Variants in MCUB observed in about 807,000 individuals in gnomAD.
MCUB encodes mitochondrial calcium uniporter dominant negative subunit beta, also known as calcium uniporter regulatory subunit MCUb, mitochondrial.
A neutral mutation model predicts 41.4 loss-of-function variants in MCUB; 46 were observed. That is an observed-to-expected ratio of 1.11 (90% confidence interval 0.88 to 1.42). The LOEUF (loss-of-function observed/expected upper bound fraction) is 1.42, where lower values mean the gene tolerates loss of function less well. MCUB is among the 40% of genes most tolerant of loss of function. MCUB has a pLI of 0.00. For synonymous variants in MCUB, 148 were observed against 148.2 expected (o/e 1.00, Z 0.01); for missense variants, 403 against 404.9 (o/e 1.00, Z 0.04).
At chr4:109,655,904 G>A (rs1729085002) in intron 1 of MCUB, among the ~76,000 whole-genome samples, 1 of 152,104 alleles carries the variant, frequency 6.6e-6, no homozygotes, top group African/African-American at 2.4e-5. Context: ...AAATCTCTGT[G>A]TATGGGGTCT....
rs529093261 is a variant in MCUB, at chr4:109,633,187, A to G, written c.100-25824A>G. Among the ~76,000 whole-genome samples the G allele has an allele frequency of 2.6e-5, 4 of 152,378 alleles. No individual in the cohort carries two copies. The East Asian group carries it at 7.7e-4, about 29-fold the overall frequency. On this transcript the variant is annotated intron_variant, in intron 1 of 7. Coordinates refer to ENST00000394650, the MANE Select transcript of MCUB (RefSeq NM_017918.5). The stretch of plus-strand genomic sequence containing the variant: ...GTGAAGAAATACCTACTGAAAAAAT[A>G]AAATTTAAACCATTCCAGTTTTCAG...
At chr4:109,562,629 C>T (rs765870492) in intron 1 of MCUB, among the ~76,000 whole-genome samples, 4 of 152,244 alleles carry the variant, frequency 2.6e-5, no homozygotes, top group Non-Finnish European at 5.9e-5. Flanking sequence ...AACATTCAGA[C>T]CCCTAGAGCC....
intron 1 of MCUB, among the ~76,000 whole-genome samples, chr4:109,628,542 G>T (rs1346181825): frequency 6.6e-6 from 1 of 152,198 alleles, no homozygotes; most frequent in Non-Finnish European, 1.5e-5. Context: ...GCTTGGATAA[G>T]GGTGGAGACA....
chr4:109,643,246 C>T (rs906312676), intron 1 of MCUB, among the ~76,000 whole-genome samples: 6 of 149,656 alleles, frequency 4.0e-5, no homozygotes, highest in South Asian at 2.1e-4. Context: ...AGTACAATGG[C>T]GCAATCTTGG....
At chr4:109,605,477 T>A (rs975300102) in intron 1 of MCUB, among the ~76,000 whole-genome samples, 8 of 152,262 alleles carry the variant, frequency 5.3e-5, no homozygotes, top group African/African-American at 1.9e-4. Flanking sequence ...ATGATCCATG[T>A]GCTGAAGAGA....
chr4:109,610,563 T>G (rs1475278335), intron 1 of MCUB, among the ~76,000 whole-genome samples: 1 of 152,240 alleles, frequency 6.6e-6, no homozygotes, highest in Non-Finnish European at 1.5e-5. Flanking sequence ...TGCTGTTCCC[T>G]ACTGTTTTGT....
chr4:109,677,209 C>G (rs1269964812), intron 4 of MCUB, among the ~76,000 whole-genome samples: 1 of 152,170 alleles, frequency 6.6e-6, no homozygotes, highest in Non-Finnish European at 1.5e-5. Flanking sequence ...CTCTTTTTTC[C>G]TATTTCTCCC....
At chr4:109,653,857 G>A (rs1729018257) in intron 1 of MCUB, among the ~76,000 whole-genome samples, 1 of 152,234 alleles carries the variant, frequency 6.6e-6, no homozygotes, top group Admixed American at 6.5e-5. Context: ...TTACAGGCAT[G>A]AGCCATTGCG....
intron 1 of MCUB, among the ~76,000 whole-genome samples, chr4:109,624,437 C>T (rs1728319926): frequency 6.6e-6 from 1 of 152,188 alleles, no homozygotes; most frequent in Non-Finnish European, 1.5e-5. Flanking sequence ...CACAGCAATG[C>T]ATGAATGGCA....
chr4:109,661,089 T>C (rs1225766284), intron 3 of MCUB, among the ~76,000 whole-genome samples: 1 of 152,208 alleles, frequency 6.6e-6, no homozygotes, highest in Admixed American at 6.5e-5. Flanking sequence ...AATTACAGTC[T>C]AGTATGTTTT....
intron 1 of MCUB, among the ~76,000 whole-genome samples, chr4:109,584,554 A>G (rs956332317): frequency 2.6e-5 from 4 of 152,050 alleles, no homozygotes; most frequent in Non-Finnish European, 5.9e-5. Flanking sequence ...TAGGGTGTCA[A>G]TTTTAGATCT....
chr4:109,583,674 A>G lies in MCUB; in HGVS notation c.99+23238A>G, dbSNP rs575538099. ...AAGGGAATGCTTCCAATTTTTGCCC[A>G]TTCAGTATGATATTGACTATGGGTT... is the stretch of plus-strand genomic sequence containing the variant. On this transcript the variant is annotated intron_variant, in intron 1 of 7. Coordinates refer to ENST00000394650, the MANE Select transcript of MCUB (RefSeq NM_017918.5). Among the ~76,000 whole-genome samples the G allele has an allele frequency of 9.1e-4, 138 of 152,292 alleles. 1 individual carries two copies. Among genetic ancestry groups the G allele is most frequent in the African/African-American group, 3.2e-3 (135 of 41,564 alleles).
At chr4:109,579,002 C>T (rs1274414856) in intron 1 of MCUB, among the ~76,000 whole-genome samples, 1 of 152,162 alleles carries the variant, frequency 6.6e-6, no homozygotes, top group African/African-American at 2.4e-5. Flanking sequence ...TCATTGGAGT[C>T]CCGCCTCCAA....
intron 1 of MCUB, among the ~76,000 whole-genome samples, chr4:109,639,461 G>A (rs150513855): frequency 6.3e-4 from 96 of 152,096 alleles, no homozygotes; most frequent in African/African-American, 2.2e-3. Context: ...AGGCCGAGAC[G>A]GGTGGATCAC....
At chr4:109,595,391 TA>T in intron 1 of MCUB, among the ~76,000 whole-genome samples, 1 of 152,050 alleles carries the variant, frequency 6.6e-6, no homozygotes, top group African/African-American at 2.4e-5. Flanking sequence ...ATAGCGTCAA[TA>T]AACTGGAAGA....
At chr4:109,603,358 A>G (rs1017284842) in intron 1 of MCUB, among the ~76,000 whole-genome samples, 1 of 152,176 alleles carries the variant, frequency 6.6e-6, no homozygotes, top group Non-Finnish European at 1.5e-5. Context: ...CGGCCTCCCG[A>G]GGTGCCCGGA....
chr4:109,632,031 A>G (rs548443991), intron 1 of MCUB, among the ~76,000 whole-genome samples: 2 of 152,298 alleles, frequency 1.3e-5, no homozygotes, highest in South Asian at 4.1e-4. Flanking sequence ...CATGTAGCCA[A>G]TAACCACACC....
At chr4:109,648,967 T>C in intron 1 of MCUB, among the ~76,000 whole-genome samples, 1 of 124,760 alleles carries the variant, frequency 8.0e-6, no homozygotes, top group Non-Finnish European at 1.7e-5. Context: ...GAAAACAACA[T>C]TTAAAATGAT....
intron 1 of MCUB, among the ~76,000 whole-genome samples, chr4:109,620,462 A>G (rs1728228741): frequency 6.7e-6 from 1 of 150,230 alleles, no homozygotes; most frequent in Non-Finnish European, 1.5e-5. Context: ...TGTATTGTAC[A>G]TGTGCCCTAA....
Sources: allele counts gnomAD v4.1 joint callset (sites outside exome capture counted in the v4.1 genomes callset), GRCh38; gene constraint gnomAD v4.1.1; transcripts MANE v1.5; gene names NCBI Gene and HGNC (gene_info 2026-07-23, HGNC 2026-07-21).